Variants in IL1RAPL2 observed in about 807,000 individuals in gnomAD.
IL1RAPL2 encodes the protein interleukin 1 receptor accessory protein like 2, also known as X-linked interleukin-1 receptor accessory protein-like 2.
Under a neutral mutation model 44.1 loss-of-function variants are expected in IL1RAPL2, and 3 were observed. The ratio of observed to expected loss-of-function variants is 0.07; its 90% CI spans 0.03 to 0.18. IL1RAPL2 has a LOEUF of 0.18. Among genes scored for constraint, IL1RAPL2 ranks in the 10% least tolerant of loss-of-function variants. IL1RAPL2 has a pLI of 1.00. For missense variants in IL1RAPL2, 391 were observed against 496.4 expected (o/e 0.79, Z 2.02); for synonymous variants, 181 against 178.8 (o/e 1.01, Z -0.10).
chrX:105,684,241 G>A (rs1038411010), intron 6 of IL1RAPL2, among the ~76,000 whole-genome samples: 4 of 112,373 alleles, frequency 3.6e-5, no homozygotes, highest in South Asian at 3.7e-4. Context: ...CGCCTCACCC[G>A]GGGAAGCACA....
At chrX:105,562,512 AACACACACACAC>A (rs55720100) in intron 6 of IL1RAPL2, among the ~76,000 whole-genome samples, 2 of 91,598 alleles carry the variant, frequency 2.2e-5, no homozygotes, top group African/African-American at 4.1e-5. Flanking sequence ...ATTGAAAATA[AACACACACACAC>A]ACACACACAC....
At chrX:105,715,130 A>T (rs976048603) in intron 6 of IL1RAPL2, among the ~76,000 whole-genome samples, 2 of 112,001 alleles carry the variant, frequency 1.8e-5, no homozygotes, top group African/African-American at 6.5e-5. Context: ...ATTGTGGATT[A>T]TCTTAAGGAA....
At chrX:105,720,070 A>G (rs1287047504) in intron 7 of IL1RAPL2, among the ~76,000 whole-genome samples, 2 of 111,790 alleles carry the variant, frequency 1.8e-5, no homozygotes, top group Non-Finnish European at 3.8e-5. Context: ...ACTAGTATAT[A>G]GTTAGTAGCA....
rs142162037 is a variant in IL1RAPL2 at position 105,395,951 on chromosome X, T to A, written c.698-88362T>A. On this transcript the variant is annotated intron_variant, in intron 5 of 10. Transcript: ENST00000372582. ...GTTTTATCAAGTCCTCCAGGGGATT[T>A]TTTTGCATGAGAAAGTTTGAAAGCC... Among the ~76,000 whole-genome samples, 82 of 111,819 alleles carry A rather than the reference T, an allele frequency of 7.3e-4. 1 individual carries two copies. The East Asian group carries it at 0.02, about 28-fold the overall frequency.
chrX:105,641,319 A>G (rs1243794618), intron 6 of IL1RAPL2, among the ~76,000 whole-genome samples: 1 of 111,445 alleles, frequency 9.0e-6, no homozygotes, highest in Non-Finnish European at 1.9e-5. Context: ...AATTTTCTCT[A>G]TGCCAGGCAC....
chrX:104,822,187 AT>A (rs889422507), intron 2 of IL1RAPL2, among the ~76,000 whole-genome samples: 5 of 111,413 alleles, frequency 4.5e-5, no homozygotes, highest in Admixed American at 2.9e-4. Flanking sequence ...ATTTTCTCCC[AT>A]TCTGTAGGTT....
intron 2 of IL1RAPL2, among the ~76,000 whole-genome samples, chrX:104,800,747 C>G (rs1383196094): frequency 8.9e-6 from 1 of 112,649 alleles, no homozygotes. Context: ...TGTTAATGCA[C>G]TATCCCCCAG....
At chrX:104,678,329 C>A (rs778333373) in intron 2 of IL1RAPL2, among the ~76,000 whole-genome samples, 1 of 111,799 alleles carries the variant, frequency 8.9e-6, no homozygotes, top group South Asian at 3.8e-4. Context: ...AGTTTTTAAA[C>A]CTATGTAGAG....
chrX:104,951,752 G>A (rs1036270506), intron 2 of IL1RAPL2, among the ~76,000 whole-genome samples: 3 of 112,349 alleles, frequency 2.7e-5, no homozygotes, highest in Non-Finnish European at 5.6e-5. Context: ...CTTCAACTGC[G>A]TAGTTGGGCT....
chrX:105,629,194 G>A (rs183469259), intron 6 of IL1RAPL2, among the ~76,000 whole-genome samples: 2 of 111,427 alleles, frequency 1.8e-5, no homozygotes, highest in East Asian at 5.8e-4. Context: ...AGACTAACCA[G>A]TGGGCTTAGA....
chrX:105,761,140 C>G, intron 10 of IL1RAPL2, among the ~76,000 whole-genome samples: 1 of 103,159 alleles, frequency 9.7e-6, no homozygotes, highest in Middle Eastern at 4.9e-3. Context: ...GATCACGCCA[C>G]TGCACTCCAG....
intron 2 of IL1RAPL2, among the ~76,000 whole-genome samples, chrX:105,033,923 C>G: frequency 9.0e-6 from 1 of 111,444 alleles, no homozygotes. Flanking sequence ...TTGTTCATTT[C>G]TTTTTATTCT....
intron 3 of IL1RAPL2, chrX:105,219,795 G>A (rs2033929797): frequency 1.7e-6 from 2 of 1,156,237 alleles, no homozygotes; most frequent in African/African-American, 3.5e-5. Context: ...TGTGTTCTGG[G>A]GGCAAGGCGG....
chrX:104,847,032 T>G (rs995477241), intron 2 of IL1RAPL2, among the ~76,000 whole-genome samples: 15 of 112,248 alleles, frequency 1.3e-4, no homozygotes, highest in South Asian at 3.7e-4. Flanking sequence ...TTGCCCACTT[T>G]TTGATGGGGT....
chrX:105,388,475 G>A (rs2035497333), intron 5 of IL1RAPL2, among the ~76,000 whole-genome samples: 1 of 103,894 alleles, frequency 9.6e-6, no homozygotes, highest in Non-Finnish European at 1.9e-5. Flanking sequence ...TTAAAACTTG[G>A]CATATTTATG....
intron 2 of IL1RAPL2, among the ~76,000 whole-genome samples, chrX:105,005,460 C>T (rs1217903090): frequency 3.6e-5 from 4 of 111,436 alleles, no homozygotes; most frequent in Non-Finnish European, 7.6e-5. Flanking sequence ...TACTTAACCA[C>T]GATGTGCATT....
At chrX:105,667,599 T>C (rs2037781371) in intron 6 of IL1RAPL2, among the ~76,000 whole-genome samples, 2 of 111,896 alleles carry the variant, frequency 1.8e-5, no homozygotes, top group Admixed American at 9.5e-5. Context: ...AGTAGAATTT[T>C]TTTGCCATTT....
At chrX:105,352,524 T>G (rs2035164192) in intron 5 of IL1RAPL2, among the ~76,000 whole-genome samples, 1 of 111,100 alleles carries the variant, frequency 9.0e-6, no homozygotes, top group Non-Finnish European at 1.9e-5. Flanking sequence ...CCACAATGGT[T>G]GAACTAGTTT....
intron 2 of IL1RAPL2, among the ~76,000 whole-genome samples, chrX:104,670,066 G>A (rs1930564405): frequency 9.0e-6 from 1 of 111,538 alleles, no homozygotes; most frequent in South Asian, 3.8e-4. Flanking sequence ...ATATGAAAGG[G>A]AGTCTATTAA....
Sources: allele counts gnomAD v4.1 joint callset (sites outside exome capture counted in the v4.1 genomes callset), GRCh38; gene constraint gnomAD v4.1.1; transcripts MANE v1.5; gene names NCBI Gene and HGNC (gene_info 2026-07-23, HGNC 2026-07-21).